Variants in SLC28A2 observed in about 807,000 individuals in gnomAD.
SLC28A2 encodes the protein solute carrier family 28 member 2.
In SLC28A2, 69 loss-of-function variants were observed where a neutral mutation model predicts 72.9. The observed-to-expected ratio is 0.95, with a 90% CI of 0.78 to 1.16. The LOEUF is 1.16. Ranked by LOEUF, SLC28A2 falls within the 50% of genes most tolerant of loss-of-function variation. SLC28A2 has a pLI of 0.00. For missense variants in SLC28A2, 745 were observed against 791.1 expected, an observed-to-expected ratio of 0.94 and a Z score of 0.70; for synonymous variants, 296 against 294.1, an observed-to-expected ratio of 1.01 and a Z score of -0.07.
chr15:45,260,529 G>A (rs979403062), intron 3 of SLC28A2, among the ~76,000 whole-genome samples: 2 of 152,158 alleles, frequency 1.3e-5, no homozygotes, highest in Non-Finnish European at 2.9e-5. Context: ...GAAAAATGAG[G>A]AAGGATCACT....
intron 17 of SLC28A2, 62 bp from the exon 18 acceptor site, chr15:45,275,334 A>T: frequency 2.1e-6 from 2 of 950,886 alleles, no homozygotes; most frequent in Non-Finnish European, 3.4e-6. Flanking sequence ...TAACTTATTG[A>T]TATGTTTTGT....
intron 3 of SLC28A2, among the ~76,000 whole-genome samples, chr15:45,260,495 T>C (rs1302062836): frequency 6.6e-6 from 1 of 152,200 alleles, no homozygotes; most frequent in Admixed American, 6.5e-5. Context: ...GCCCTTTTAC[T>C]CACTACTTTC....
rs752634819 is a variant in SLC28A2, at chr15:45,253,269, C to T, written c.54C>T (p.Gly18=). ...QSIALSTVET[G]TVNPGLELME... ...TTGCTCTGTCCACAGTGGAGACTGG[C>T]ACAGTGAACCCGGGGCTGGAGCTCA... The change falls in exon 2 of 18, where the codon GGC becomes GGT. Residue 18 remains glycine (G), a synonymous_variant. Transcript: ENST00000347644. 9 of 1,613,494 alleles carry T rather than the reference C, an allele frequency of 5.6e-6. No homozygotes were observed. In the South Asian group the frequency reaches 9.9e-5, roughly 18 times the overall value.
At chr15:45,266,328 G>A (rs1207147026) in intron 10 of SLC28A2, among the ~76,000 whole-genome samples, 167 bp downstream of exon 10, 4 of 152,174 alleles carry the variant, frequency 2.6e-5, no homozygotes, top group African/African-American at 4.8e-5. Flanking sequence ...TGCTCATTGC[G>A]TTCACCCTTT....
intron 17 of SLC28A2, among the ~76,000 whole-genome samples, chr15:45,273,640 G>C (rs964688682): frequency 6.6e-6 from 1 of 152,274 alleles, no homozygotes; most frequent in East Asian, 1.9e-4. Context: ...ATATCATTTT[G>C]GTAGCCATTT....
At chr15:45,260,505 C>T (rs1394432906) in intron 3 of SLC28A2, among the ~76,000 whole-genome samples, 1 of 152,146 alleles carries the variant, frequency 6.6e-6, no homozygotes, top group Admixed American at 6.5e-5. Context: ...TCACTACTTT[C>T]TCTATTAAGC....
In SLC28A2 at chr15:45,264,710, T is replaced by C; in HGVS notation, c.644T>C (p.Leu215Ser). 4 of 1,614,050 alleles carry C rather than the reference T, an allele frequency of 2.5e-6. No individual in the cohort carries two copies. The highest frequency in any genetic ancestry group is 3.4e-6 in the Non-Finnish European group (4 of 1,179,918). Reference sequence around the variant, plus strand: ...GGTCTTCAATTTGTCTTTGGGATCTTGGTCATCAGAACTGATCTTGGATAT... The same window carrying C: ...GGTCTTCAATTTGTCTTTGGGATCTCGGTCATCAGAACTGATCTTGGATAT... The part of the protein sequence containing the change: ...GLGLQFVFGI[L>S]VIRTDLGYTV... The change falls in exon 7 of 18, where the codon TTG (leucine) becomes TCG (serine). Residue 215 changes from leucine to serine, a missense_variant. Leu to Ser is a moderately radical substitution (Grantham distance 145, BLOSUM62 -2). Transcript: ENST00000347644.
At position 45,269,321 on chromosome 15, in the gene SLC28A2, A is replaced by G. The variant is rs888694423; in HGVS notation, c.1369-17A>G. ...TATTAGTCCTTCCTTTTCCTGTGATATCTCTCTTTCACTCAGGTCATCTGC... is the reference window on the plus strand; with the variant it reads ...TATTAGTCCTTCCTTTTCCTGTGATGTCTCTCTTTCACTCAGGTCATCTGC... On this transcript the variant is annotated splice_polypyrimidine_tract_variant and intron_variant, in intron 13 of 17. Transcript: ENST00000347644. The G allele has an allele frequency of 6.2e-7, 1 of 1,608,370 alleles. No homozygotes were observed. Among genetic ancestry groups the G allele is most frequent in the Non-Finnish European group, 8.5e-7 (1 of 1,175,130 alleles).
intron 7 of SLC28A2, 64 bp downstream of exon 7, chr15:45,264,832 G>C (rs1466508235): frequency 9.8e-7 from 1 of 1,024,994 alleles, no homozygotes; most frequent in Non-Finnish European, 1.5e-6. Context: ...GATTTGAGAG[G>C]AGCATGAGAA....
intron 15 of SLC28A2, among the ~76,000 whole-genome samples, chr15:45,270,875 T>A (rs1353284986): frequency 1.3e-5 from 2 of 152,148 alleles, no homozygotes; most frequent in African/African-American, 4.8e-5. Flanking sequence ...TGGCCTCAAG[T>A]GATCTGCTGC....
At chr15:45,253,599 C>A in intron 3 of SLC28A2, 79 bp downstream of exon 3, 1 of 780,706 alleles carries the variant, frequency 1.3e-6, no homozygotes, top group South Asian at 1.5e-5. Context: ...GTGGTATTAT[C>A]ACAACCGCTC....
Position 45,266,128 on chromosome 15 carries a change from C to T in SLC28A2, c.909C>T (p.Thr303=), listed in dbSNP as rs1362689764. The change falls in exon 10 of 18, where the codon ACC becomes ACT. Residue 303 remains threonine, a synonymous_variant. Transcript: ENST00000347644. ...QITMGTTATE[T]LAVAGNIFVG... is the part of the protein sequence containing the mutation. ...CTATGGGCACCACTGCTACAGAGAC[C>T]CTGGCTGTGGCAGGAAACATCTTTG... 2 of 1,613,766 alleles carry T rather than the reference C, an allele frequency of 1.2e-6. No homozygotes were observed. Among genetic ancestry groups the T allele is most frequent in the Non-Finnish European group, 1.7e-6 (2 of 1,179,688 alleles).
chr15:45,262,933 T>C lies in SLC28A2; in HGVS notation c.263-128T>C, dbSNP rs1256343518. The C allele has an allele frequency of 1.0e-5, 7 of 690,022 alleles. No homozygotes were observed. In the South Asian group the frequency reaches 1.3e-4, roughly 13 times the overall value. 42.7% of individuals were successfully genotyped at this position (690,022 alleles called of 1,614,324 possible). ...CAAGAAGTGCAGTTCTGTCTGACAGTAGGGCTGGGTGGCAAGGTCTCTGGA... is the reference window on the plus strand; with the variant it reads ...CAAGAAGTGCAGTTCTGTCTGACAGCAGGGCTGGGTGGCAAGGTCTCTGGA... On this transcript the variant is annotated intron_variant, in intron 4 of 17. Coordinates refer to ENST00000347644, the MANE Select transcript of SLC28A2 (RefSeq NM_004212.4).
chr15:45,265,955 A>C lies in SLC28A2; in HGVS notation c.862-126A>C, dbSNP rs1900320732. On this transcript the variant is annotated intron_variant, in intron 9 of 17. Transcript: ENST00000347644. ...TGTTTCTAAGTTGGTTTTTGGCCCT[A>C]GGCTTGCTGCTCTACTTCTCTAGGC... 6 of 741,634 alleles carry C rather than the reference A, an allele frequency of 8.1e-6. No individual in the cohort carries two copies. The South Asian group carries it at 1.1e-4, about 13-fold the overall frequency. The allele number at this position is 741,634 out of a possible 1,614,324, so 45.9% of individuals were successfully genotyped here. A position where few individuals can be genotyped will look rare whatever the true frequency, so the allele number is the denominator to read the frequency against.
intron 2 of SLC28A2, 64 bp downstream of exon 2, chr15:45,253,360 T>C (rs1235457011): frequency 6.4e-7 from 1 of 1,553,888 alleles, no homozygotes; most frequent in South Asian, 1.1e-5. Flanking sequence ...CTGTAGGGTA[T>C]TTGGCTGCTC....
chr15:45,273,720 AGTG>A (rs1900661922), intron 17 of SLC28A2, among the ~76,000 whole-genome samples: 1 of 152,180 alleles, frequency 6.6e-6, no homozygotes, highest in Non-Finnish European at 1.5e-5. Context: ...ATTGATACTA[AGTG>A]GTTGTGAGGT....
intron 3 of SLC28A2, among the ~76,000 whole-genome samples, chr15:45,259,921 T>C (rs1900099313): frequency 6.6e-6 from 1 of 152,230 alleles, no homozygotes; most frequent in Non-Finnish European, 1.5e-5. Context: ...CCTCTTACTT[T>C]GCAGGAGGCT....
At chr15:45,270,144 C>A in intron 14 of SLC28A2, 51 bp from the exon 15 acceptor site, 1 of 1,223,874 alleles carries the variant, frequency 8.2e-7, no homozygotes, top group Non-Finnish European at 1.2e-6. Flanking sequence ...GATTATAAGA[C>A]CGCACGCATG....
intron 3 of SLC28A2, among the ~76,000 whole-genome samples, chr15:45,256,292 C>G (rs1392183453): frequency 6.6e-6 from 1 of 152,180 alleles, no homozygotes; most frequent in Non-Finnish European, 1.5e-5. Flanking sequence ...GTCTCAGCCT[C>G]CCAAAGTGCT....
Sources: gnomAD v4.1 joint callset for allele counts (sites outside exome capture counted in the v4.1 genomes callset) on GRCh38, gnomAD v4.1.1 for gene constraint, MANE v1.5 for transcripts, NCBI Gene and HGNC (gene_info 2026-07-23, HGNC 2026-07-21) for gene names.